UXS1: variants seen among roughly 807,000 people sequenced by gnomAD.
The protein encoded by UXS1 is UDP-glucuronic acid decarboxylase 1.
A neutral mutation model predicts 62.6 loss-of-function variants in UXS1; 33 were observed. The observed-to-expected ratio is 0.53, with a 90% confidence interval of 0.40 to 0.70. The LOEUF is 0.70. UXS1 is among the 30% of genes least tolerant of loss of function. The pLI is 0.00. For synonymous variants in UXS1, 213 were observed against 206.8 expected, an observed-to-expected ratio of 1.03 and a Z score of -0.26; for missense variants, 434 against 556.3, an observed-to-expected ratio of 0.78 and a Z score of 2.21.
At chr2:106,094,255 G>GCAGGAAGGAAGTGCCACCTTC (rs1676898262) in intron 14 of UXS1, 98 bp from the exon 15 acceptor site, 1 of 1,504,686 alleles carries the variant, frequency 6.6e-7, no homozygotes, top group South Asian at 1.2e-5. Context: ...GTGCCACCTT[G>GCAGGAAGGAAGTGCCACCTTC]CAGCCAGTCA....
intron 3 of UXS1, 60 bp downstream of exon 3, chr2:106,164,676 A>C (rs1683103746): frequency 1.5e-6 from 2 of 1,293,836 alleles, no homozygotes; most frequent in Non-Finnish European, 1.1e-6. Context: ...GCACGAGCAA[A>C]GGAAGTAAAA....
intron 7 of UXS1, among the ~76,000 whole-genome samples, chr2:106,127,169 A>G (rs188453647): frequency 6.6e-6 from 1 of 152,260 alleles, no homozygotes; most frequent in Admixed American, 6.5e-5. Flanking sequence ...GTTGCTTCTC[A>G]TTTTTGACCT....
intron 1 of UXS1, among the ~76,000 whole-genome samples, chr2:106,182,308 T>C (rs1336296927): frequency 6.6e-6 from 1 of 152,224 alleles, no homozygotes; most frequent in African/African-American, 2.4e-5. Context: ...CTGGGCCACA[T>C]GCAGCCCGCG....
intron 14 of UXS1, among the ~76,000 whole-genome samples, chr2:106,095,249 G>C (rs2104817166): frequency 6.6e-6 from 1 of 152,068 alleles, no homozygotes; most frequent in South Asian, 2.1e-4. Context: ...CCTTACAAAG[G>C]GACCAATGGC....
At chr2:106,103,569 C>T (rs1011000595) in intron 11 of UXS1, among the ~76,000 whole-genome samples, 3 of 152,226 alleles carry the variant, frequency 2.0e-5, no homozygotes, top group Admixed American at 6.5e-5. Flanking sequence ...ATAGTGCCTA[C>T]GTTAAGTGCT....
rs1676813661 is a variant in UXS1, at chr2:106,093,364, A to T, written c.*662T>A. 6.6e-6 allele frequency: 1 copy of T among 152,438 alleles called. No individual in the cohort carries two copies. The highest frequency in any genetic ancestry group is 2.1e-4 in the South Asian group (1 of 4,826). The allele number at this position is 152,438 out of a possible 1,614,324, so 9.4% of individuals were successfully genotyped here. On this transcript the variant is annotated 3_prime_UTR_variant, in exon 15 of 15. Transcript: ENST00000283148. ...GCATATTTAACCATGGTTAACCAAG[A>T]ATATGTTAACTTTGTGCCCCCCAAC... is the stretch of plus-strand genomic sequence containing the variant.
chr2:106,138,144 T>A lies in UXS1; in HGVS notation c.472+7046A>T, dbSNP rs907436768. On this transcript the variant is annotated intron_variant, in intron 6 of 14. Coordinates refer to ENST00000283148, the MANE Select transcript of UXS1 (RefSeq NM_001253875.2). ...GAGAGTACAGGAAGCCTCTCCGACATCAAACAGAAAGCCACTATCATTAAC... is the reference window on the plus strand; with the variant it reads ...GAGAGTACAGGAAGCCTCTCCGACAACAAACAGAAAGCCACTATCATTAAC... 28 of 984,250 alleles carry A rather than the reference T, an allele frequency of 2.8e-5. No homozygotes were observed. The African/African-American group carries it at 4.7e-4, about 17-fold the overall frequency. The allele number at this position is 984,250 out of a possible 1,614,324, so 61.0% of individuals were successfully genotyped here. A position where few individuals can be genotyped will look rare whatever the true frequency, so the allele number is the denominator to read the frequency against.
chr2:106,184,409 A>C (rs960398191), intron 1 of UXS1, among the ~76,000 whole-genome samples: 1 of 152,192 alleles, frequency 6.6e-6, no homozygotes, highest in African/African-American at 2.4e-5. Flanking sequence ...AAGCTCTCCA[A>C]CTTCACATCA....
At chr2:106,176,662 C>T (rs4851930) in intron 1 of UXS1, among the ~76,000 whole-genome samples, 16,123 of 152,206 alleles carry the variant, frequency 0.11, 1,250 homozygotes, top group East Asian at 0.32. Context: ...ACTCTGCAGC[C>T]GCCCTCAGCC....
intron 5 of UXS1, among the ~76,000 whole-genome samples, chr2:106,145,747 T>A (rs1043610572): frequency 1.7e-4 from 26 of 152,170 alleles, no homozygotes; most frequent in African/African-American, 5.8e-4. Flanking sequence ...CTGAGAACTT[T>A]AAAAATTACT....
At chr2:106,147,127 C>G (rs1001721580) in intron 5 of UXS1, among the ~76,000 whole-genome samples, 4 of 150,020 alleles carry the variant, frequency 2.7e-5, no homozygotes, top group Non-Finnish European at 5.9e-5. Flanking sequence ...GGTGACAGAG[C>G]GAGACTCTGT....
chr2:106,110,220 GCC>G (rs1396219589), intron 10 of UXS1, among the ~76,000 whole-genome samples: 2 of 152,196 alleles, frequency 1.3e-5, no homozygotes, highest in Non-Finnish European at 2.9e-5. Context: ...AGAGACTGAA[GCC>G]CACCACGTTC....
intron 4 of UXS1, among the ~76,000 whole-genome samples, chr2:106,159,696 C>T (rs1440101023): frequency 6.6e-6 from 1 of 152,188 alleles, no homozygotes; most frequent in Non-Finnish European, 1.5e-5. Context: ...CCGTCTCCAT[C>T]CCTGCCCTGT....
intron 5 of UXS1, 103 bp downstream of exon 5, chr2:106,157,955 T>A (rs1196244973): frequency 9.7e-7 from 1 of 1,032,698 alleles, no homozygotes; most frequent in African/African-American, 1.6e-5. Flanking sequence ...AGCCACTGAA[T>A]CGTATCTTTG....
At chr2:106,099,766 C>A (rs1291835532) in intron 12 of UXS1, among the ~76,000 whole-genome samples, 2 of 152,196 alleles carry the variant, frequency 1.3e-5, no homozygotes, top group African/African-American at 4.8e-5. Flanking sequence ...CCAGTGTACA[C>A]AGGCAAATGC....
intron 1 of UXS1, among the ~76,000 whole-genome samples, chr2:106,192,425 G>A (rs1000556488): frequency 6.6e-6 from 1 of 152,122 alleles, no homozygotes; most frequent in African/African-American, 2.4e-5. Flanking sequence ...GTGGTGGCGG[G>A]TGCCTGTAGT....
rs1363913529 is a variant in UXS1 at position 106,163,661 on chromosome 2, A to G, written c.230+6T>C. 2 of 1,466,930 alleles carry G rather than the reference A, an allele frequency of 1.4e-6. No homozygotes were observed. The highest frequency in any genetic ancestry group is 1.8e-6 in the Non-Finnish European group (2 of 1,102,654). 90.9% of individuals were successfully genotyped at this position (1,466,930 alleles called of 1,614,324 possible). On this transcript the variant is annotated splice_donor_region_variant and intron_variant, in intron 4 of 14. Transcript: ENST00000283148. Reference sequence around the variant, plus strand: ...CTATTGACTTTAAGACAAAAAGTACACATACCTTTTTTCTAAATCTCTGAT... The same window carrying G: ...CTATTGACTTTAAGACAAAAAGTACGCATACCTTTTTTCTAAATCTCTGAT...
intron 6 of UXS1, among the ~76,000 whole-genome samples, chr2:106,139,415 G>A (rs1333587335): frequency 4.6e-5 from 7 of 152,244 alleles, no homozygotes; most frequent in Admixed American, 2.6e-4. Flanking sequence ...CGACTTACTC[G>A]GCCCTTCTAT....
intron 6 of UXS1, among the ~76,000 whole-genome samples, chr2:106,144,397 A>G (rs1681388584): frequency 6.6e-6 from 1 of 152,248 alleles, no homozygotes; most frequent in African/African-American, 2.4e-5. Context: ...AAACAGCAAG[A>G]AGAATATGAA....
Sources: gnomAD v4.1 joint callset for allele counts (sites outside exome capture counted in the v4.1 genomes callset) on GRCh38, gnomAD v4.1.1 for gene constraint, MANE v1.5 for transcripts, NCBI Gene and HGNC (gene_info 2026-07-23, HGNC 2026-07-21) for gene names.